Variants in ESR2 observed in about 807,000 individuals in gnomAD.
ESR2 encodes estrogen receptor 2, also known as estrogen receptor beta.
A neutral mutation model predicts 49.6 loss-of-function variants in ESR2; 36 were observed. The ratio of observed to expected loss-of-function variants is 0.73; its 90% confidence interval spans 0.56 to 0.96. The LOEUF is 0.96. ESR2 is among the 40% of genes least tolerant of loss of function. The probability of loss-of-function intolerance (pLI) is 0.00; values close to 1 mark genes in which losing one functional copy is unlikely to be tolerated. For synonymous variants in ESR2, 320 were observed against 266.1 expected (o/e 1.20, Z -1.97); for missense variants, 714 against 693.0 (o/e 1.03, Z -0.34).
chr14:64,263,651 A>AAAATAAAT (rs557236670), intron 4 of ESR2, among the ~76,000 whole-genome samples: 8 of 152,142 alleles, frequency 5.3e-5, no homozygotes, highest in African/African-American at 1.9e-4. Flanking sequence ...TTGGGTTGAA[A>AAAATAAAT]AAATAAATAA....
intron 4 of ESR2, among the ~76,000 whole-genome samples, chr14:64,266,620 G>T (rs534474607): frequency 1.3e-5 from 2 of 152,304 alleles, no homozygotes; most frequent in East Asian, 3.9e-4. Context: ...TCTTTTGTCA[G>T]AGTGCCAAGG....
At chr14:64,236,319 C>A (rs1032260297) in intron 7 of ESR2, among the ~76,000 whole-genome samples, 2 of 152,178 alleles carry the variant, frequency 1.3e-5, no homozygotes, top group African/African-American at 4.8e-5. Context: ...AATCCCTGTG[C>A]TCACTTTGTT....
At chr14:64,258,733 G>A (rs951632770) in intron 5 of ESR2, among the ~76,000 whole-genome samples, 2 of 152,188 alleles carry the variant, frequency 1.3e-5, no homozygotes, top group East Asian at 3.8e-4. Flanking sequence ...GCTTTGCTCA[G>A]TTTAGGTTCC....
At chr14:64,237,884 G>C (rs75388219) in intron 7 of ESR2, among the ~76,000 whole-genome samples, 3,202 of 152,264 alleles carry the variant, frequency 0.021, 136 homozygotes, top group African/African-American at 0.073. Flanking sequence ...GTGGGATAGG[G>C]AGTGGGAAAT....
chr14:64,259,965 G>A (rs998444155), intron 5 of ESR2, among the ~76,000 whole-genome samples: 3 of 152,122 alleles, frequency 2.0e-5, no homozygotes, highest in African/African-American at 7.2e-5. Flanking sequence ...CCAGGTTCCA[G>A]GACTCTAGGA....
intron 1 of ESR2, among the ~76,000 whole-genome samples, chr14:64,302,402 T>C (rs182780088): frequency 2.0e-5 from 3 of 151,720 alleles, no homozygotes; most frequent in African/African-American, 7.2e-5. Flanking sequence ...TTAGCCAGGA[T>C]GGTCTCAATC....
In ESR2 at chr14:64,229,606, T is replaced by TC. The variant is rs536141898; in HGVS notation, c.*3530dup. On this transcript the variant is annotated 3_prime_UTR_variant, in exon 9 of 9. Transcript: ENST00000341099. Reference sequence around the variant, plus strand: ...AGATTCTGCAGTTTTAAAATATTTTTCTTTAAATTTTTAAACTGTTTGAAG... The same window carrying TC: ...AGATTCTGCAGTTTTAAAATATTTTTCCTTTAAATTTTTAAACTGTTTGAAG... Among the ~76,000 whole-genome samples the TC allele has an allele frequency of 1.1e-4, 16 of 152,308 alleles. No individual in the cohort carries two copies. The South Asian group carries it at 2.9e-3, about 28-fold the overall frequency.
chr14:64,259,671 G>A (rs769460079), intron 5 of ESR2, among the ~76,000 whole-genome samples: 1 of 152,198 alleles, frequency 6.6e-6, no homozygotes, highest in Non-Finnish European at 1.5e-5. Context: ...CAACTCATGA[G>A]TAACTAAGCT....
intron 1 of ESR2, among the ~76,000 whole-genome samples, chr14:64,311,211 ATTT>A (rs2077184181): frequency 6.6e-6 from 1 of 152,202 alleles, no homozygotes; most frequent in African/African-American, 2.4e-5. Context: ...AATTATTAAT[ATTT>A]TAAAATGCAT....
intron 3 of ESR2, among the ~76,000 whole-genome samples, chr14:64,277,933 G>C (rs1391307833): frequency 1.3e-5 from 2 of 151,124 alleles, no homozygotes; most frequent in Non-Finnish European, 2.9e-5. Context: ...TGTAGTCTCA[G>C]GGGTCAAAGA....
Position 64,260,579 on chromosome 14 carries a change from C to G in ESR2, c.822G>C (p.Glu274Asp). The change falls in exon 5 of 9, where the codon GAG becomes GAC. Residue 274 changes from glutamate (E) to aspartate (D), a missense_variant. Physicochemically the swap from Glu to Asp is conservative, Grantham distance 45. Coordinates refer to ENST00000341099, the MANE Select transcript of ESR2 (RefSeq NM_001437.3). ...TGATCAGCACATGGGGCGGCTCAGC[C>G]TCCAGGAGGGTGAGCACTAGCTGCT... ...SPEQLVLTLLEAEPPHVLISR... is the reference protein window; with the variant it reads ...SPEQLVLTLLDAEPPHVLISR... The G allele has an allele frequency of 6.2e-7, 1 of 1,607,450 alleles. No homozygotes were observed. The highest frequency in any genetic ancestry group is 8.5e-7 in the Non-Finnish European group (1 of 1,176,298).
chr14:64,262,541 A>C (rs776268420), intron 4 of ESR2, among the ~76,000 whole-genome samples: 2 of 152,260 alleles, frequency 1.3e-5, no homozygotes, highest in Non-Finnish European at 2.9e-5. Context: ...ATAGAAGCTT[A>C]AATTCTCAAA....
chr14:64,337,641 G>A (rs1010852219), intron 1 of ESR2: 3 of 152,166 alleles, frequency 2.0e-5, no homozygotes, highest in Non-Finnish European at 4.4e-5. Flanking sequence ...TAAAATGGGT[G>A]AACGTTATGG....
At chr14:64,276,639 C>T (rs1445525332) in intron 3 of ESR2, among the ~76,000 whole-genome samples, 2 of 151,834 alleles carry the variant, frequency 1.3e-5, no homozygotes, top group Non-Finnish European at 2.9e-5. Flanking sequence ...TTATTTTTTT[C>T]AAAACTTCAT....
Position 64,241,205 on chromosome 14 carries a change from T to C in ESR2, c.1226-6055A>G, listed in dbSNP as rs544044375. Reference sequence around the variant, plus strand: ...GGCTAAGCTATGATGTTCAGTAGGTTAGGTGTGTTAAGTATATTTTTGACT... The same window carrying C: ...GGCTAAGCTATGATGTTCAGTAGGTCAGGTGTGTTAAGTATATTTTTGACT... On this transcript the variant is annotated intron_variant, in intron 7 of 8. Transcript: ENST00000341099. Among the ~76,000 whole-genome samples the C allele has an allele frequency of 2.9e-3, 432 of 151,280 alleles. 2 individuals carry two copies. Among genetic ancestry groups the C allele is most frequent in the African/African-American group, 9.9e-3 (407 of 41,214 alleles).
chr14:64,237,589 A>T (rs2075631861), intron 7 of ESR2, among the ~76,000 whole-genome samples: 1 of 152,226 alleles, frequency 6.6e-6, no homozygotes, highest in Admixed American at 6.5e-5. Flanking sequence ...ACAAATCCTC[A>T]GATTATAAAC....
In ESR2 at chr14:64,260,555, G is replaced by T. The variant is rs757821946; in HGVS notation, c.846C>A (p.Ile282=). 1 of 1,586,486 alleles carries T rather than the reference G, an allele frequency of 6.3e-7. No homozygotes were observed. The highest frequency in any genetic ancestry group is 8.6e-7 in the Non-Finnish European group (1 of 1,165,834). The change falls in exon 5 of 9, where the codon ATC becomes ATA. Residue 282 remains isoleucine, a synonymous_variant. Transcript: ENST00000341099. Reference sequence around the variant, plus strand: ...CGGTGAAGGGCGCACTGGGGCGGCTGATCAGCACATGGGGCGGCTCAGCCT... The same window carrying T: ...CGGTGAAGGGCGCACTGGGGCGGCTTATCAGCACATGGGGCGGCTCAGCCT... ...LLEAEPPHVL[I]SRPSAPFTEA... is the part of the protein sequence containing the mutation.
chr14:64,246,734 C>CAAAAAAAAAAAAAAAAAAAA lies in ESR2; in HGVS notation c.1225+2792_1225+2811dup, dbSNP rs71123836. Among the ~76,000 whole-genome samples, 16 of 36,448 alleles carry CAAAAAAAAAAAAAAAAAAAA rather than the reference C, an allele frequency of 4.4e-4. 3 individuals are homozygous for CAAAAAAAAAAAAAAAAAAAA. The highest frequency in any genetic ancestry group is 1.1e-3 in the African/African-American group (9 of 7,856). 23.9% of individuals were successfully genotyped at this position (36,448 alleles called of 152,430 possible). On this transcript the variant is annotated intron_variant, in intron 7 of 8. Coordinates refer to ENST00000341099, the MANE Select transcript of ESR2 (RefSeq NM_001437.3). ...CCTGGCCAACACAGGAAGACTCTGT[C>CAAAAAAAAAAAAAAAAAAAA]AAAAAAAAAAAAAAAAAAAAAAAAA...
intron 1 of ESR2, among the ~76,000 whole-genome samples, chr14:64,322,442 G>A (rs906975451): frequency 6.6e-6 from 1 of 150,802 alleles, no homozygotes; most frequent in East Asian, 1.9e-4. Context: ...TTGGGAGGCT[G>A]AGAAAGGAGG....
Sources: allele counts gnomAD v4.1 joint callset (sites outside exome capture counted in the v4.1 genomes callset), GRCh38; gene constraint gnomAD v4.1.1; transcripts MANE v1.5; gene names NCBI Gene and HGNC (gene_info 2026-07-23, HGNC 2026-07-21).